Variants in PTDSS2 observed in about 807,000 individuals in gnomAD.
PTDSS2 encodes the protein phosphatidylserine synthase 2.
A neutral mutation model predicts 64.7 loss-of-function variants in PTDSS2; 41 were observed. The observed-to-expected ratio is 0.63, with a 90% confidence interval of 0.49 to 0.82. The LOEUF (loss-of-function observed/expected upper bound fraction) is 0.82. Ranked by LOEUF, PTDSS2 falls within the 40% of genes least tolerant of loss-of-function variation. The probability of loss-of-function intolerance (pLI) is 0.00; values close to 1 mark genes in which losing one functional copy is unlikely to be tolerated. For missense variants in PTDSS2, 485 were observed against 650.0 expected, an observed-to-expected ratio of 0.75 and a Z score of 2.76; for synonymous variants, 297 against 277.8, an observed-to-expected ratio of 1.07 and a Z score of -0.69.
chr11:478,962 A>G, intron 3 of PTDSS2, 123 bp from the exon 4 acceptor site: 3 of 719,560 alleles, frequency 4.2e-6, no homozygotes, highest in Non-Finnish European at 2.5e-6. Context: ...AGGCTCTCCC[A>G]GGGGCCTGTG....
intron 4 of PTDSS2, among the ~76,000 whole-genome samples, chr11:482,223 CTTT>C (rs558526140): frequency 5.1e-5 from 6 of 117,332 alleles, no homozygotes; most frequent in Admixed American, 9.0e-5. Context: ...CAAGGATGGG[CTTT>C]TTTTTTTTTT....
At chr11:487,319 C>T (rs1270565830) in intron 5 of PTDSS2, 101 bp from the exon 6 acceptor site, 25 of 1,176,832 alleles carry the variant, frequency 2.1e-5, no homozygotes, top group South Asian at 3.7e-5. Context: ...GCCTTCTTCC[C>T]GGGGTCTGGC....
intron 6 of PTDSS2, 35 bp downstream of exon 6, chr11:487,505 G>T: frequency 6.2e-7 from 1 of 1,601,408 alleles, no homozygotes; most frequent in Non-Finnish European, 8.6e-7. Flanking sequence ...TCCCCGCCCC[G>T]GTTCTGAGGC....
chr11:490,365 G>T, intron 11 of PTDSS2, 55 bp from the exon 12 acceptor site: 1 of 1,609,362 alleles, frequency 6.2e-7, no homozygotes, highest in South Asian at 1.1e-5. Flanking sequence ...TGTCCATGGG[G>T]CCTGCAGTGG....
intron 3 of PTDSS2, among the ~76,000 whole-genome samples, chr11:474,926 C>T (rs1181050482): frequency 1.3e-5 from 2 of 149,508 alleles, no homozygotes; most frequent in Admixed American, 6.7e-5. Flanking sequence ...GACATATTCA[C>T]GCGTTTATGA....
chr11:489,689 G>T lies in PTDSS2; in HGVS notation c.1071G>T (p.Val357=). 3.1e-6 allele frequency: 5 copies of T among 1,603,930 alleles called. No individual in the cohort carries two copies. Among genetic ancestry groups the T allele is most frequent in the Non-Finnish European group, 4.3e-6 (5 of 1,175,828 alleles). ...TGCGGCTCGTCTTCTTCGTGAACGT[G>T]GGTGGCGTGGCCATGCGTGAGATCT... ...VLLRLVFFVN[V]GGVAMREIYD... is the part of the protein sequence containing the mutation. Residue 357 remains valine, a synonymous_variant, in exon 10 of 12, where the codon GTG becomes GTT. Transcript: ENST00000308020.
At chr11:482,103 C>A (rs1848099429) in intron 4 of PTDSS2, among the ~76,000 whole-genome samples, 1 of 152,064 alleles carries the variant, frequency 6.6e-6, no homozygotes, top group African/African-American at 2.4e-5. Flanking sequence ...ACCTTGGCCT[C>A]CCAAAGTGCT....
rs1564980981 is a variant in PTDSS2 at position 476,115 on chromosome 11, C to T, written c.367+2138C>T. Among the ~76,000 whole-genome samples, 2 of 152,210 alleles carry T rather than the reference C, an allele frequency of 1.3e-5. No individual in the cohort carries two copies. The highest frequency in any genetic ancestry group is 2.4e-5 in the African/African-American group (1 of 41,444). Reference sequence around the variant, plus strand: ...CCAAGCAGGCTGGTCTTGCTGGCCCCTTCCTTGCCCAGGGCCTTGAGAGAG... The same window carrying T: ...CCAAGCAGGCTGGTCTTGCTGGCCCTTTCCTTGCCCAGGGCCTTGAGAGAG... On this transcript the variant is annotated intron_variant, in intron 3 of 11. Coordinates refer to ENST00000308020, the MANE Select transcript of PTDSS2 (RefSeq NM_030783.3). The surrounding 1 kb of genome is among the most constrained non-coding windows in gnomAD (Gnocchi z 4.9).
intron 5 of PTDSS2, 23 bp from the exon 6 acceptor site, chr11:487,397 G>A (rs1399884415): frequency 7.4e-6 from 12 of 1,612,496 alleles, no homozygotes; most frequent in Non-Finnish European, 1.0e-5. Flanking sequence ...CCAGGGTCAA[G>A]GGTCATACCC....
intron 4 of PTDSS2, among the ~76,000 whole-genome samples, chr11:481,392 A>G (rs1848065428): frequency 6.6e-6 from 1 of 152,224 alleles, no homozygotes; most frequent in African/African-American, 2.4e-5. Context: ...TGAAAAGAAC[A>G]GGTGGAATTT....
At position 477,102 on chromosome 11, in the gene PTDSS2, A is replaced by G. The variant is rs566272103; in HGVS notation, c.368-1983A>G. On this transcript the variant is annotated intron_variant, in intron 3 of 11. Transcript: ENST00000308020. ...CTTCACACTCCCCTGGGTCTGGCCCAGGAATGCCCAGTCCGGCAGCTGTAG... is the reference window on the plus strand; with the variant it reads ...CTTCACACTCCCCTGGGTCTGGCCCGGGAATGCCCAGTCCGGCAGCTGTAG... Among the ~76,000 whole-genome samples, 60 of 152,334 alleles carry G rather than the reference A, an allele frequency of 3.9e-4. No individual in the cohort carries two copies. In the Middle Eastern group the frequency reaches 0.017, roughly 43 times the overall value.
intron 4 of PTDSS2, among the ~76,000 whole-genome samples, chr11:484,284 T>C (rs919500529): frequency 3.9e-5 from 6 of 152,266 alleles, no homozygotes; most frequent in Admixed American, 1.3e-4. Context: ...GAGGACATCC[T>C]GACTTCCTAG....
chr11:465,753 AC>A lies in PTDSS2; in HGVS notation c.284+5475del, dbSNP rs55838661. 4.4e-3 allele frequency among the ~76,000 whole-genome samples: 607 copies of A among 138,508 alleles called. 7 individuals carry two copies. Among genetic ancestry groups the A allele is most frequent in the South Asian group, 0.013 (53 of 4,158 alleles). The allele number at this position is 138,508 out of a possible 152,430, so 90.9% of individuals were successfully genotyped here. The stretch of plus-strand genomic sequence containing the variant: ...CAGCCTGGGCAACATAGTGAGGACC[AC>A]CCCCCCCCCATCTCTACTAAAAATT... On this transcript the variant is annotated intron_variant, in intron 2 of 11. Coordinates refer to ENST00000308020, the MANE Select transcript of PTDSS2 (RefSeq NM_030783.3).
chr11:464,401 A>G (rs954781990), intron 2 of PTDSS2, among the ~76,000 whole-genome samples: 1 of 152,342 alleles, frequency 6.6e-6, no homozygotes, highest in Admixed American at 6.5e-5. Flanking sequence ...CCACCACTGC[A>G]TGGGGGTGCG....
At chr11:453,932 C>T (rs1410270605) in intron 1 of PTDSS2, among the ~76,000 whole-genome samples, 2 of 152,240 alleles carry the variant, frequency 1.3e-5, no homozygotes, top group Admixed American at 6.5e-5. Flanking sequence ...TTGATCACAG[C>T]TCTGTTCTGT....
intron 4 of PTDSS2, among the ~76,000 whole-genome samples, chr11:480,917 C>T (rs1330522476): frequency 1.3e-5 from 2 of 152,032 alleles, no homozygotes; most frequent in Non-Finnish European, 2.9e-5. Context: ...CCCGTCTCTA[C>T]TGAAAAATAC....
At chr11:453,992 A>T (rs1273228723) in intron 1 of PTDSS2, among the ~76,000 whole-genome samples, 2 of 152,310 alleles carry the variant, frequency 1.3e-5, no homozygotes, top group African/African-American at 2.4e-5. Context: ...GGCGGGTGGG[A>T]GGAGCCATTG....
At chr11:457,320 C>T (rs577387936) in intron 1 of PTDSS2, among the ~76,000 whole-genome samples, 1 of 152,380 alleles carries the variant, frequency 6.6e-6, no homozygotes, top group African/African-American at 2.4e-5. Context: ...GCCCGTGTCT[C>T]CGCTCCAGTC....
chr11:451,455 G>A (rs915779014), intron 1 of PTDSS2: 3 of 436,646 alleles, frequency 6.9e-6, no homozygotes, highest in Non-Finnish European at 1.4e-5. Flanking sequence ...CTGAAAGCAG[G>A]CTTCGTGAGA....
Sources: allele counts gnomAD v4.1 joint callset (sites outside exome capture counted in the v4.1 genomes callset), GRCh38; gene constraint gnomAD v4.1.1; non-coding constraint Gnocchi (gnomAD v3.1); transcripts MANE v1.5; gene names NCBI Gene and HGNC (gene_info 2026-07-23, HGNC 2026-07-21).